Variants in DPP10 observed in about 807,000 individuals in gnomAD.
DPP10 encodes dipeptidyl peptidase like 10.
In DPP10, 33 loss-of-function variants were observed where a neutral mutation model predicts 120.9. The ratio of observed to expected loss-of-function variants is 0.27; its 90% confidence interval spans 0.21 to 0.37. The LOEUF (loss-of-function observed/expected upper bound fraction) is 0.37, where lower values mean the gene tolerates loss of function less well. Ranked by LOEUF, DPP10 falls within the 10% of genes least tolerant of loss-of-function variation. The pLI is 1.00. For missense variants in DPP10, 816 were observed against 942.8 expected (o/e 0.87, Z 1.76); for synonymous variants, 337 against 326.1 (o/e 1.03, Z -0.36).
chr2:114,505,263 A>T (rs1167846539), intron 1 of DPP10, among the ~76,000 whole-genome samples: 1 of 150,258 alleles, frequency 6.7e-6, no homozygotes, highest in African/African-American at 2.5e-5. Flanking sequence ...TGATAAGACA[A>T]AGGGATTTGG....
chr2:115,732,158 G>T (rs1043356146), intron 8 of DPP10, among the ~76,000 whole-genome samples: 1 of 152,056 alleles, frequency 6.6e-6, no homozygotes, highest in African/African-American at 2.4e-5. Context: ...GCATGTATGG[G>T]AGACACAGAA....
chr2:115,224,703 G>T (rs1448957007), intron 1 of DPP10, among the ~76,000 whole-genome samples: 1 of 152,110 alleles, frequency 6.6e-6, no homozygotes. Context: ...AATCATGTGA[G>T]ATAATATAAT....
intron 1 of DPP10, among the ~76,000 whole-genome samples, chr2:115,148,824 T>C (rs888572444): frequency 3.3e-5 from 5 of 152,180 alleles, no homozygotes; most frequent in African/African-American, 7.2e-5. Flanking sequence ...CTCTATACAT[T>C]CTCTGTCCTC....
intron 1 of DPP10, among the ~76,000 whole-genome samples, chr2:114,817,771 G>A (rs1449792336): frequency 6.6e-6 from 1 of 152,182 alleles, no homozygotes; most frequent in Non-Finnish European, 1.5e-5. Context: ...AGGTAAGCCA[G>A]GTGATAAGAG....
intron 7 of DPP10, among the ~76,000 whole-genome samples, chr2:115,713,524 G>A (rs922373843): frequency 6.6e-6 from 1 of 152,196 alleles, no homozygotes; most frequent in African/African-American, 2.4e-5. Flanking sequence ...TATTGTCTGT[G>A]TGAGGAAGGG....
chr2:115,321,630 C>G (rs1256806416), intron 2 of DPP10, among the ~76,000 whole-genome samples: 1 of 148,204 alleles, frequency 6.7e-6, no homozygotes, highest in Non-Finnish European at 1.5e-5. Flanking sequence ...TGCCCTTTTC[C>G]TCTCTCTCCT....
chr2:115,727,947 C>T lies in DPP10; in HGVS notation c.697+11C>T, dbSNP rs13403447. 480 of 1,591,588 alleles carry T rather than the reference C, an allele frequency of 3.0e-4. 1 individual carries two copies. In the African/African-American group the frequency reaches 6.1e-3, roughly 20 times the overall value. ...ACTGGTTATATGAAGGTGAGTTGAT[C>T]AGATTTAGTTTCAAAGGAAACAAAT... is the stretch of plus-strand genomic sequence containing the variant. On this transcript the variant is annotated intron_variant, in intron 8 of 25. Coordinates refer to ENST00000410059, the MANE Select transcript of DPP10 (RefSeq NM_020868.6).
intron 21 of DPP10, among the ~76,000 whole-genome samples, chr2:115,821,470 T>C (rs1021565720): frequency 2.0e-5 from 3 of 152,046 alleles, no homozygotes; most frequent in Admixed American, 1.3e-4. Context: ...CACTTTCCGA[T>C]TGATTTAGGT....
chr2:114,481,661 T>G (rs1175023909), intron 1 of DPP10, among the ~76,000 whole-genome samples: 3 of 152,112 alleles, frequency 2.0e-5, no homozygotes, highest in Non-Finnish European at 4.4e-5. Flanking sequence ...AGATGAGTCT[T>G]CAGAGAATTA....
chr2:114,856,846 A>G (rs1305051325), intron 1 of DPP10, among the ~76,000 whole-genome samples: 1 of 152,184 alleles, frequency 6.6e-6, no homozygotes, highest in Admixed American at 6.5e-5. Context: ...GCACTATTCT[A>G]TACTTCAAAG....
intron 3 of DPP10, among the ~76,000 whole-genome samples, chr2:115,415,554 C>T (rs1013136822): frequency 2.0e-5 from 3 of 152,126 alleles, no homozygotes; most frequent in East Asian, 1.9e-4. Flanking sequence ...AAGTTGGATA[C>T]GGGAAAGCTT....
chr2:115,339,342 T>A (rs2063325898), intron 2 of DPP10, among the ~76,000 whole-genome samples: 1 of 152,170 alleles, frequency 6.6e-6, no homozygotes, highest in South Asian at 2.1e-4. Flanking sequence ...ACTGGATCAT[T>A]TATACATTGC....
chr2:114,701,062 G>A (rs979122263), intron 1 of DPP10, among the ~76,000 whole-genome samples: 5 of 151,830 alleles, frequency 3.3e-5, no homozygotes, highest in African/African-American at 1.2e-4. Flanking sequence ...TTTCTCCTTG[G>A]TTAGGACCTG....
At chr2:115,102,037 G>A (rs2048713730) in intron 1 of DPP10, among the ~76,000 whole-genome samples, 1 of 152,210 alleles carries the variant, frequency 6.6e-6, no homozygotes, top group African/African-American at 2.4e-5. Flanking sequence ...TAGTCTGCTA[G>A]GGCTGCTATA....
chr2:115,682,160 C>T (rs1246594796), intron 5 of DPP10, among the ~76,000 whole-genome samples: 15 of 151,966 alleles, frequency 9.9e-5, no homozygotes, highest in Admixed American at 6.5e-4. Context: ...AAACTTATTT[C>T]GCTATAAATG....
intron 1 of DPP10, among the ~76,000 whole-genome samples, chr2:115,080,180 G>A (rs1374201700): frequency 6.6e-6 from 1 of 152,060 alleles, no homozygotes; most frequent in Non-Finnish European, 1.5e-5. Flanking sequence ...ACCAAGCCTG[G>A]CTAATTTCTG....
At chr2:115,013,899 AC>A (rs1702445237) in intron 1 of DPP10, among the ~76,000 whole-genome samples, 1 of 152,078 alleles carries the variant, frequency 6.6e-6, no homozygotes, top group Admixed American at 6.6e-5. Flanking sequence ...ATAGTGGGAG[AC>A]TTTAACAGCC....
At chr2:115,105,504 AACAG>A (rs1338008208) in intron 1 of DPP10, among the ~76,000 whole-genome samples, 6 of 152,000 alleles carry the variant, frequency 3.9e-5, no homozygotes, top group Non-Finnish European at 8.8e-5. Context: ...GATGGTAACT[AACAG>A]ACCAAGAATT....
At chr2:115,227,535 T>C (rs1337941571) in intron 1 of DPP10, among the ~76,000 whole-genome samples, 1 of 152,206 alleles carries the variant, frequency 6.6e-6, no homozygotes, top group African/African-American at 2.4e-5. Context: ...GGATACAGAA[T>C]AGTTAGCCCA....
Sources: gnomAD v4.1 joint callset for allele counts (sites outside exome capture counted in the v4.1 genomes callset) on GRCh38, gnomAD v4.1.1 for gene constraint, MANE v1.5 for transcripts, NCBI Gene and HGNC (gene_info 2026-07-23, HGNC 2026-07-21) for gene names.